Variants in MYO15A observed in about 807,000 individuals in gnomAD.
MYO15A encodes the protein myosin XVA.
In MYO15A, 308 loss-of-function variants were observed where a neutral mutation model predicts 394.6. The observed-to-expected ratio is 0.78, with a 90% CI of 0.71 to 0.86. MYO15A has a LOEUF of 0.86. MYO15A is among the 40% of genes least tolerant of loss of function. MYO15A has a pLI of 0.00. For synonymous variants in MYO15A, 1,957 were observed against 2,003.8 expected (o/e 0.98, Z 0.62); for missense variants, 4,606 against 4,799.1 (o/e 0.96, Z 1.19).
intron 48 of MYO15A, 84 bp from the exon 49 acceptor site, chr17:18,156,870 G>A (rs948021577): frequency 2.7e-5 from 32 of 1,186,870 alleles, no homozygotes; most frequent in Non-Finnish European, 4.0e-5. Context: ...GAGTCAGGAA[G>A]GATGTGAGGA....
intron 29 of MYO15A, among the ~76,000 whole-genome samples, chr17:18,145,525 G>A (rs866105722): frequency 3.3e-5 from 5 of 152,160 alleles, no homozygotes; most frequent in Admixed American, 6.5e-5. Flanking sequence ...ACCAGCCTGG[G>A]CAACATGGTG....
rs1476451856 is a variant in MYO15A, at chr17:18,124,791, CTTTG to C, written c.3692+230_3692+233del. On this transcript the variant is annotated intron_variant, in intron 3 of 65. Coordinates refer to ENST00000647165, the MANE Select transcript of MYO15A (RefSeq NM_016239.4). The stretch of plus-strand genomic sequence containing the variant: ...CAGCTGGCAGACGTTGCACAAATCG[CTTTG>C]TTTCTCTGCACCTCAGTTTCTCATC... 3 of 596,556 alleles carry C rather than the reference CTTTG, an allele frequency of 5.0e-6. No individual in the cohort carries two copies. In the African/African-American group the frequency reaches 5.6e-5, roughly 11 times the overall value. The allele number at this position is 596,556 out of a possible 1,614,324, so 37.0% of individuals were successfully genotyped here. A position where few individuals can be genotyped will look rare whatever the true frequency, so the allele number is the denominator to read the frequency against.
rs748832780 is a variant in MYO15A, at chr17:18,136,399, G to C, written c.4597-18G>C. 1.2e-6 allele frequency: 2 copies of C among 1,613,506 alleles called. No homozygotes were observed. The highest frequency in any genetic ancestry group is 2.7e-5 in the African/African-American group (2 of 75,044). ...AGTGGCCAGCCTGATGTCACTCAAG[G>C]GCTGTGCCCGTCCCTAGGAGACAAT... On this transcript the variant is annotated intron_variant, in intron 13 of 65. Transcript: ENST00000647165.
intron 65 of MYO15A, 87 bp from the exon 66 acceptor site, chr17:18,178,682 C>A: frequency 7.6e-7 from 1 of 1,323,298 alleles, no homozygotes; most frequent in Non-Finnish European, 1.1e-6. Flanking sequence ...ACCTATCTCC[C>A]AACCACCTCT....
chr17:18,137,105 G>T (rs927681947), intron 15 of MYO15A, among the ~76,000 whole-genome samples: 1 of 152,182 alleles, frequency 6.6e-6, no homozygotes, highest in African/African-American at 2.4e-5. Flanking sequence ...TGTGTTGGGG[G>T]GTGACTGTTT....
intron 13 of MYO15A, 101 bp downstream of exon 13, chr17:18,135,925 GCT>G: frequency 9.3e-7 from 1 of 1,072,000 alleles, no homozygotes; most frequent in Non-Finnish European, 1.4e-6. Context: ...CCTCTCTCCT[GCT>G]CTCTCTGTCC....
Position 18,121,505 on chromosome 17 carries a change from C to G in MYO15A, c.2705C>G (p.Ala902Gly). ...HRPPRAGAWR[A>G]PLEHRESPRE... Reference sequence around the variant, plus strand: ...CCGCCCAGGGCCGGGGCCTGGCGGGCGCCCCTGGAACACCGGGAGAGCCCG... The same window carrying G: ...CCGCCCAGGGCCGGGGCCTGGCGGGGGCCCCTGGAACACCGGGAGAGCCCG... The change falls in exon 2 of 66, where the codon GCG (alanine) becomes GGG (glycine). Residue 902 changes from alanine to glycine, a missense_variant. By Grantham distance (60) the Ala-to-Gly change is moderately conservative. Around this residue, in one of 2 missense-constraint regions of MYO15A, gnomAD observed 1,830 missense variants for 1,689.7 expected, o/e 1.08. Coordinates refer to ENST00000647165, the MANE Select transcript of MYO15A (RefSeq NM_016239.4). The surrounding 1 kb of genome is among the most constrained non-coding windows in gnomAD (Gnocchi z 5.3). The G allele has an allele frequency of 6.4e-7, 1 of 1,553,632 alleles. No individual in the cohort carries two copies. The highest frequency in any genetic ancestry group is 8.7e-7 in the Non-Finnish European group (1 of 1,149,158).
chr17:18,154,356 T>C (rs1475917554), intron 44 of MYO15A, among the ~76,000 whole-genome samples, 166 bp downstream of exon 44: 1 of 152,038 alleles, frequency 6.6e-6, no homozygotes, highest in Non-Finnish European at 1.5e-5. Flanking sequence ...ATGGGCAGGG[T>C]CAGTGAGCCC....
At chr17:18,135,882 C>A in intron 13 of MYO15A, 58 bp downstream of exon 13, 1 of 1,485,716 alleles carries the variant, frequency 6.7e-7, no homozygotes, top group Non-Finnish European at 9.3e-7. Flanking sequence ...CTGGACAGAG[C>A]TGCTTGTGCC....
At position 18,166,420 on chromosome 17, in the gene MYO15A, G is replaced by A. The variant is rs1348246561; in HGVS notation, c.9847G>A (p.Glu3283Lys). The change falls in exon 61 of 66, where the codon GAG (glutamate) becomes AAG (lysine). Residue 3283 changes from glutamate (E) to lysine (K), a missense_variant. Transcript: ENST00000647165. ...CATCCTGGATGTGGCCTCAGAGATGGAGCAGGTGGACGGCGGCTACATGCT... is the reference window on the plus strand; with the variant it reads ...CATCCTGGATGTGGCCTCAGAGATGAAGCAGGTGGACGGCGGCTACATGCT... ...AYILDVASEM[E>K]QVDGGYMLWF... 2 of 1,613,990 alleles carry A rather than the reference G, an allele frequency of 1.2e-6. No individual in the cohort carries two copies. Among genetic ancestry groups the A allele is most frequent in the Non-Finnish European group, 8.5e-7 (1 of 1,180,052 alleles).
At chr17:18,172,621 T>C (rs902081278) in intron 64 of MYO15A, 7 of 383,416 alleles carry the variant, frequency 1.8e-5, no homozygotes, top group Non-Finnish European at 3.5e-5. Flanking sequence ...TTTCTCACAA[T>C]TCTGGAGGCT....
chr17:18,131,545 T>G lies in MYO15A; in HGVS notation c.4206+14T>G, dbSNP rs773835348. ...ATCGTGTTTCAGGTGGGCCACCCCC[T>G]CCCAGGCCTCTGTGTTGGGCAGGGT... is the stretch of plus-strand genomic sequence containing the variant. On this transcript the variant is annotated intron_variant, in intron 10 of 65. Coordinates refer to ENST00000647165, the MANE Select transcript of MYO15A (RefSeq NM_016239.4). 6.2e-7 allele frequency: 1 copy of G among 1,613,608 alleles called. No homozygotes were observed. Among genetic ancestry groups the G allele is most frequent in the South Asian group, 1.1e-5 (1 of 91,040 alleles).
At chr17:18,139,054 G>C (rs1437931911) in intron 18 of MYO15A, 118 bp downstream of exon 18, 1 of 1,446,466 alleles carries the variant, frequency 6.9e-7, no homozygotes, top group Non-Finnish European at 9.4e-7. Context: ...TGGCTCTGCT[G>C]TGCCCCAGCT....
intron 7 of MYO15A, among the ~76,000 whole-genome samples, chr17:18,128,980 A>G (rs1049641516): frequency 1.3e-5 from 2 of 152,144 alleles, no homozygotes; most frequent in Non-Finnish European, 2.9e-5. Flanking sequence ...TCCTCAGATA[A>G]TCAAACAGTC....
chr17:18,158,200 T>A, intron 51 of MYO15A: 2 of 588,252 alleles, frequency 3.4e-6, no homozygotes, highest in South Asian at 4.2e-5. Flanking sequence ...TGAAGTCTAC[T>A]GGGTTTGGGG....
At chr17:18,139,652 A>G in intron 19 of MYO15A, 41 bp downstream of exon 19, 1 of 1,607,518 alleles carries the variant, frequency 6.2e-7, no homozygotes. Context: ...GCCCCCAGGC[A>G]TGTCCCCACC....
chr17:18,151,082 G>T (rs1203135509), intron 38 of MYO15A, 28 bp from the exon 39 acceptor site: 17 of 1,613,294 alleles, frequency 1.1e-5, no homozygotes, highest in Admixed American at 8.3e-5. Context: ...ATCCCAGGCA[G>T]CCCACCCTCA....
intron 44 of MYO15A, 112 bp downstream of exon 44, chr17:18,154,302 CAG>C: frequency 1.5e-6 from 2 of 1,300,258 alleles, no homozygotes; most frequent in African/African-American, 1.5e-5. Flanking sequence ...GGGTCCTTGA[CAG>C]GGGTGAGGAT....
Position 18,148,842 on chromosome 17 carries a change from C to T in MYO15A, c.6846C>T (p.Tyr2282=), listed in dbSNP as rs768504205. The T allele has an allele frequency of 5.6e-6, 9 of 1,607,262 alleles. No homozygotes were observed. Among genetic ancestry groups the T allele is most frequent in the South Asian group, 1.1e-5 (1 of 89,668 alleles). The change falls in exon 33 of 66, where the codon TAC becomes TAT. Residue 2282 remains tyrosine, a synonymous_variant. Coordinates refer to ENST00000647165, the MANE Select transcript of MYO15A (RefSeq NM_016239.4). This position sits in a 1 kb window ranked among gnomAD's most constrained non-coding sequence, Gnocchi z 4.8. ...GGGCAGAGCTGGCTGGCCACGACTA[C>T]GTGTTAGACCTGGTGTCGGACCTGG... is the stretch of plus-strand genomic sequence containing the variant. ...VQWAELAGHD[Y]VLDLVSDLEL...
Sources: gnomAD v4.1 joint callset for allele counts (sites outside exome capture counted in the v4.1 genomes callset) on GRCh38, gnomAD v4.1.1 for gene constraint, gnomAD v4.1.1 regional missense constraint, Gnocchi (gnomAD v3.1) non-coding constraint, MANE v1.5 for transcripts, NCBI Gene and HGNC (gene_info 2026-07-23, HGNC 2026-07-21) for gene names.